Variants in MAP3K7CL observed in about 807,000 individuals in gnomAD.
MAP3K7CL encodes the protein MAP3K7 C-terminal-like protein.
MAP3K7CL carries 16 observed loss-of-function variants against 18.6 expected under a neutral mutation model. That is an observed-to-expected ratio of 0.86 (90% CI 0.58 to 1.31). MAP3K7CL has a LOEUF of 1.31. Ranked by LOEUF, MAP3K7CL falls within the 50% of genes most tolerant of loss-of-function variation. The probability of loss-of-function intolerance (pLI) is 0.00; values close to 1 mark genes in which losing one functional copy is unlikely to be tolerated. For missense variants in MAP3K7CL, 163 were observed against 174.4 expected (o/e 0.93, Z 0.37); for synonymous variants, 65 against 66.8 (o/e 0.97, Z 0.13).
chr21:29,130,185 C>G (rs1031094120), upstream of MAP3K7CL, among the ~76,000 whole-genome samples: 3 of 152,192 alleles, frequency 2.0e-5, no homozygotes, highest in African/African-American at 2.4e-5. Context: ...CCAATGACAT[C>G]CAGGTTTACA....
intron 4 of MAP3K7CL, among the ~76,000 whole-genome samples, chr21:29,163,622 C>A (rs930793768): frequency 6.6e-6 from 1 of 151,968 alleles, no homozygotes; most frequent in African/African-American, 2.4e-5. Context: ...TCTCCCGGGG[C>A]AGGAGGTGGG....
chr21:29,133,034 G>A (rs1418107602), intron 1 of MAP3K7CL, among the ~76,000 whole-genome samples: 4 of 152,130 alleles, frequency 2.6e-5, no homozygotes, highest in African/African-American at 7.2e-5. Context: ...AAAAGATATT[G>A]AGCAAGTAAG....
intron 2 of MAP3K7CL, among the ~76,000 whole-genome samples, chr21:29,147,909 GT>G (rs1415645973): frequency 1.3e-5 from 2 of 151,292 alleles, no homozygotes; most frequent in African/African-American, 4.9e-5. Context: ...TATCTGTATT[GT>G]ATATGTATGT....
intron 3 of MAP3K7CL, 38 bp from the exon 4 acceptor site, chr21:29,159,903 C>A: frequency 1.3e-6 from 2 of 1,515,456 alleles, no homozygotes; most frequent in South Asian, 1.1e-5. Context: ...TATCCTGATG[C>A]AAAGAAATGG....
intron 4 of MAP3K7CL, among the ~76,000 whole-genome samples, chr21:29,094,679 G>C (rs1454783897): frequency 2.0e-5 from 3 of 152,228 alleles, no homozygotes; most frequent in African/African-American, 7.2e-5. Context: ...GACAAGGCAA[G>C]CTCCATGGAA....
intron 4 of MAP3K7CL, among the ~76,000 whole-genome samples, chr21:29,161,293 CAG>C (rs1422151512): frequency 1.3e-5 from 2 of 152,090 alleles, no homozygotes; most frequent in Non-Finnish European, 2.9e-5. Context: ...GCCTGGGCAA[CAG>C]AGTGAGACTC....
intron 4 of MAP3K7CL, among the ~76,000 whole-genome samples, chr21:29,095,374 G>A (rs2086104924): frequency 6.6e-6 from 1 of 152,078 alleles, no homozygotes; most frequent in Non-Finnish European, 1.5e-5. Flanking sequence ...TGGGGCAGGG[G>A]CTCATTTTTC....
At chr21:29,117,783 A>G (rs1380468748) in intron 4 of MAP3K7CL, among the ~76,000 whole-genome samples, 1 of 152,222 alleles carries the variant, frequency 6.6e-6, no homozygotes, top group Non-Finnish European at 1.5e-5. Flanking sequence ...CAGTGTGATC[A>G]GGGACTGAAT....
intron 3 of MAP3K7CL, chr21:29,091,892 A>T (rs538370895): frequency 3.0e-4 from 176 of 583,602 alleles, no homozygotes; most frequent in South Asian, 6.0e-4. Flanking sequence ...ATATTCACAA[A>T]AGTCCTTTTG....
intron 3 of MAP3K7CL, among the ~76,000 whole-genome samples, chr21:29,156,487 G>A (rs150147747): frequency 0.012 from 1,788 of 152,286 alleles, 17 homozygotes; most frequent in Middle Eastern, 0.051. Flanking sequence ...CTGGAAACCT[G>A]ATTCTTGAAT....
intron 4 of MAP3K7CL, among the ~76,000 whole-genome samples, chr21:29,167,032 G>T (rs1440061891): frequency 6.6e-6 from 1 of 152,152 alleles, no homozygotes; most frequent in African/African-American, 2.4e-5. Context: ...AGTGTATCAA[G>T]GTTCCAATTT....
At chr21:29,117,178 C>G (rs1266717558) in intron 4 of MAP3K7CL, among the ~76,000 whole-genome samples, 1 of 151,998 alleles carries the variant, frequency 6.6e-6, no homozygotes, top group Non-Finnish European at 1.5e-5. Context: ...CCTTAAATCT[C>G]AAAAGAAGAT....
chr21:29,094,558 T>C (rs2086087380), intron 4 of MAP3K7CL, among the ~76,000 whole-genome samples: 1 of 152,250 alleles, frequency 6.6e-6, no homozygotes, highest in Non-Finnish European at 1.5e-5. Flanking sequence ...TTGCTTAGCC[T>C]ACTGAGCAAA....
intron 4 of MAP3K7CL, among the ~76,000 whole-genome samples, chr21:29,113,519 T>C (rs2086454807): frequency 6.6e-6 from 1 of 152,048 alleles, no homozygotes; most frequent in African/African-American, 2.4e-5. Flanking sequence ...AGTGGCATGA[T>C]CTCAGCTCAT....
upstream of MAP3K7CL, among the ~76,000 whole-genome samples, chr21:29,128,564 A>G (rs1172359881): frequency 1.3e-5 from 2 of 151,914 alleles, no homozygotes; most frequent in African/African-American, 4.8e-5. Context: ...AGCCTCCCAA[A>G]TTGCTGGGAT....
chr21:29,169,547 T>A (rs186117755), intron 4 of MAP3K7CL, among the ~76,000 whole-genome samples: 22 of 152,306 alleles, frequency 1.4e-4, no homozygotes, highest in African/African-American at 5.3e-4. Flanking sequence ...ATGATAAAGG[T>A]ATTTTATTAT....
chr21:29,134,490 G>A (rs2086842039), intron 2 of MAP3K7CL, among the ~76,000 whole-genome samples: 1 of 152,208 alleles, frequency 6.6e-6, no homozygotes, highest in Admixed American at 6.5e-5. Flanking sequence ...TTAACCTGGA[G>A]TTTCCTAGAC....
At chr21:29,120,639 T>G (rs1363064376) in intron 4 of MAP3K7CL, among the ~76,000 whole-genome samples, 3 of 152,142 alleles carry the variant, frequency 2.0e-5, no homozygotes, top group African/African-American at 7.2e-5. Flanking sequence ...GGTATTAACA[T>G]AGAATGTTTG....
At chr21:29,133,176 G>T in intron 1 of MAP3K7CL, 130 bp from the exon 2 acceptor site, 1 of 546,410 alleles carries the variant, frequency 1.8e-6, no homozygotes, top group South Asian at 3.9e-5. Context: ...CTCAAAACTA[G>T]GAGTATCTTT....
Sources: allele counts gnomAD v4.1 joint callset (sites outside exome capture counted in the v4.1 genomes callset), GRCh38; gene constraint gnomAD v4.1.1; transcripts MANE v1.5; gene names NCBI Gene and HGNC (gene_info 2026-07-23, HGNC 2026-07-21).